PTPRO: variants seen among roughly 807,000 people sequenced by gnomAD.
The protein encoded by PTPRO is protein tyrosine phosphatase receptor type O.
Under a neutral mutation model 145.2 loss-of-function variants are expected in PTPRO, and 62 were observed. The ratio of observed to expected loss-of-function variants is 0.43; its 90% CI spans 0.35 to 0.53. PTPRO has a LOEUF of 0.53. PTPRO is among the 20% of genes least tolerant of loss of function. PTPRO has a pLI of 0.01. For synonymous variants in PTPRO, 565 were observed against 514.7 expected, an observed-to-expected ratio of 1.10 and a Z score of -1.32; for missense variants, 1,345 against 1,482.7, an observed-to-expected ratio of 0.91 and a Z score of 1.53.
chr12:15,574,836 C>G (rs1294881389), intron 19 of PTPRO, among the ~76,000 whole-genome samples: 2 of 152,084 alleles, frequency 1.3e-5, no homozygotes, highest in African/African-American at 2.4e-5. Flanking sequence ...TAATGTCCAC[C>G]CTATCCCAAA....
intron 3 of PTPRO, among the ~76,000 whole-genome samples, 180 bp from the exon 4 acceptor site, chr12:15,499,262 T>C (rs1005127245): frequency 3.9e-5 from 6 of 152,214 alleles, no homozygotes; most frequent in African/African-American, 1.2e-4. Flanking sequence ...CCCTTCAGGA[T>C]TGAGTCTAGA....
chr12:15,523,814 T>C (rs1942778875), intron 10 of PTPRO, among the ~76,000 whole-genome samples: 1 of 151,590 alleles, frequency 6.6e-6, no homozygotes, highest in Middle Eastern at 3.2e-3. Context: ...ATTTTTTTTT[T>C]TGAGGCAGGG....
chr12:15,490,238 G>A (rs551848184), intron 2 of PTPRO, among the ~76,000 whole-genome samples: 2 of 152,326 alleles, frequency 1.3e-5, no homozygotes, highest in African/African-American at 4.8e-5. Context: ...GCCTTAGGCA[G>A]ATGATTACTT....
intron 2 of PTPRO, among the ~76,000 whole-genome samples, chr12:15,485,114 G>A (rs1941858987): frequency 6.6e-6 from 1 of 152,108 alleles, no homozygotes; most frequent in Admixed American, 6.6e-5. Flanking sequence ...TACGTGGAAA[G>A]ACAGTGATAT....
At chr12:15,570,020 A>C (rs1005389961) in intron 19 of PTPRO, among the ~76,000 whole-genome samples, 1 of 152,166 alleles carries the variant, frequency 6.6e-6, no homozygotes, top group African/African-American at 2.4e-5. Flanking sequence ...CCTTGGACAA[A>C]TTGGGGAGAT....
chr12:15,428,079 T>C (rs1466210179), intron 1 of PTPRO, among the ~76,000 whole-genome samples: 1 of 152,022 alleles, frequency 6.6e-6, no homozygotes, highest in African/African-American at 2.4e-5. Context: ...GTGGGTCTGG[T>C]TTTCCTTTTC....
chr12:15,549,621 T>C (rs1305870366), intron 14 of PTPRO, among the ~76,000 whole-genome samples: 1 of 152,208 alleles, frequency 6.6e-6, no homozygotes, highest in African/African-American at 2.4e-5. Flanking sequence ...AATGACATAA[T>C]TGATAACTGG....
chr12:15,379,988 C>T (rs188030503), intron 1 of PTPRO, among the ~76,000 whole-genome samples: 83 of 152,028 alleles, frequency 5.5e-4, no homozygotes, highest in African/African-American at 2.0e-3. Flanking sequence ...TTTTTTTAAG[C>T]CAATGAAGAA....
intron 1 of PTPRO, among the ~76,000 whole-genome samples, chr12:15,379,278 G>A (rs1938782926): frequency 6.6e-6 from 1 of 151,756 alleles, no homozygotes; most frequent in East Asian, 1.9e-4. Context: ...CCAGCACTTT[G>A]GAGGCAGAGA....
At chr12:15,535,452 T>C (rs1943048052) in intron 12 of PTPRO, among the ~76,000 whole-genome samples, 1 of 151,962 alleles carries the variant, frequency 6.6e-6, no homozygotes, top group Admixed American at 6.6e-5. Context: ...AAAAACAGAA[T>C]TGCACACCAC....
intron 8 of PTPRO, among the ~76,000 whole-genome samples, chr12:15,516,364 G>GAAGA (rs1202709156): frequency 1.5e-5 from 2 of 133,582 alleles, no homozygotes; most frequent in East Asian, 4.1e-4. Flanking sequence ...AGAAAGAAAA[G>GAAGA]AAGAAAGAAA....
chr12:15,443,993 T>TA (rs1940837368), intron 1 of PTPRO, among the ~76,000 whole-genome samples: 1 of 117,092 alleles, frequency 8.5e-6, no homozygotes, highest in African/African-American at 3.3e-5. Flanking sequence ...TGAGTATATA[T>TA]CAAAAAAAAA....
At chr12:15,375,805 C>G (rs1017125929) in intron 1 of PTPRO, among the ~76,000 whole-genome samples, 10 of 142,060 alleles carry the variant, frequency 7.0e-5, no homozygotes, top group Non-Finnish European at 1.5e-4. Context: ...TTTAAAAACA[C>G]AAACAGATAT....
Position 15,580,714 on chromosome 12 carries a change from G to A in PTPRO, c.3015G>A (p.Gln1005=). The change falls in exon 22 of 27, where the codon CAG becomes CAA. Residue 1005 remains glutamine, a synonymous_variant. Transcript: ENST00000281171. ...TCTTTCAGGGATACAACTCACCCCA[G>A]GAGTATATTGCCACCCAGGGGCCAC... ...ANYIPGYNSP[Q]EYIATQGPLP... 1.9e-6 allele frequency: 3 copies of A among 1,614,070 alleles called. No homozygotes were observed. Among genetic ancestry groups the A allele is most frequent in the Non-Finnish European group, 2.5e-6 (3 of 1,179,982 alleles).
At chr12:15,381,421 T>C (rs1938858801) in intron 1 of PTPRO, among the ~76,000 whole-genome samples, 1 of 152,178 alleles carries the variant, frequency 6.6e-6, no homozygotes, top group Admixed American at 6.5e-5. Context: ...TCTATATCCC[T>C]AGTACAGCAG....
At chr12:15,513,221 GAAAGAAAA>G (rs1565675960) in intron 7 of PTPRO, among the ~76,000 whole-genome samples, 2 of 112,548 alleles carry the variant, frequency 1.8e-5, no homozygotes, top group African/African-American at 3.3e-5. Flanking sequence ...AAGAAAGAAA[GAAAGAAAA>G]GAAAGAAAGA....
chr12:15,461,675 C>A lies in PTPRO; in HGVS notation c.76-22299C>A, dbSNP rs185294153. Among the ~76,000 whole-genome samples the A allele has an allele frequency of 3.3e-5, 5 of 149,724 alleles. No homozygotes were observed. In the East Asian group the frequency reaches 1.0e-3, roughly 30 times the overall value. On this transcript the variant is annotated intron_variant, in intron 1 of 26. Transcript: ENST00000281171. ...CTCCGCCTCCTGGGTTCAAGCAATT[C>A]TCCTGCCTCAGCCTCCTGAGTAGCT...
intron 1 of PTPRO, among the ~76,000 whole-genome samples, chr12:15,407,199 T>C (rs930497975): frequency 2.6e-5 from 4 of 152,228 alleles, no homozygotes; most frequent in African/African-American, 4.8e-5. Flanking sequence ...AATTATATTC[T>C]GACCTCCAAT....
intron 1 of PTPRO, among the ~76,000 whole-genome samples, chr12:15,395,322 G>T (rs1264312356): frequency 6.6e-6 from 1 of 151,788 alleles, no homozygotes; most frequent in South Asian, 2.1e-4. Flanking sequence ...AAGGGTGAGG[G>T]GATGATGGCT....
Sources: gnomAD v4.1 joint callset for allele counts (sites outside exome capture counted in the v4.1 genomes callset) on GRCh38, gnomAD v4.1.1 for gene constraint, MANE v1.5 for transcripts, NCBI Gene and HGNC (gene_info 2026-07-23, HGNC 2026-07-21) for gene names.